The following ECT2L variants were observed in gnomAD, a reference collection of about 807,000 sequenced individuals.
The protein encoded by ECT2L is epithelial cell transforming 2 like.
A neutral mutation model predicts 122.8 loss-of-function variants in ECT2L; 126 were observed. The ratio of observed to expected loss-of-function variants is 1.03; its 90% confidence interval spans 0.89 to 1.19. The LOEUF (loss-of-function observed/expected upper bound fraction) is 1.19, where lower values mean the gene tolerates loss of function less well. Ranked by LOEUF, ECT2L falls within the 50% of genes most tolerant of loss-of-function variation. The probability of loss-of-function intolerance (pLI) is 0.00; values close to 1 mark genes in which losing one functional copy is unlikely to be tolerated. For synonymous variants in ECT2L, 385 were observed against 381.8 expected, an observed-to-expected ratio of 1.01 and a Z score of -0.10; for missense variants, 1,012 against 1,064.1, an observed-to-expected ratio of 0.95 and a Z score of 0.68.
rs74435798 is a variant in ECT2L at position 138,860,679 on chromosome 6, A to G, written c.1199-1948A>G. Among the ~76,000 whole-genome samples, 1,413 of 150,824 alleles carry G rather than the reference A, an allele frequency of 9.4e-3. 24 individuals are homozygous for G. The highest frequency in any genetic ancestry group is 0.033 in the African/African-American group (1,346 of 41,024). ...CCTGTATGCTGAATTAAATAATTCA[A>G]TCTATATGTTGTGCCACTGAAGGGG... is the stretch of plus-strand genomic sequence containing the variant. On this transcript the variant is annotated intron_variant, in intron 10 of 21. Coordinates refer to ENST00000541398, the MANE Select transcript of ECT2L (RefSeq NM_001077706.3).
At chr6:138,806,535 T>C (rs1272770803) in intron 1 of ECT2L, among the ~76,000 whole-genome samples, 1 of 146,842 alleles carries the variant, frequency 6.8e-6, no homozygotes. Context: ...TTTTTTGAGA[T>C]GGAGTCACGC....
chr6:138,846,138 GGGGGTGA>G (rs1777213060), intron 7 of ECT2L, among the ~76,000 whole-genome samples: 1 of 152,120 alleles, frequency 6.6e-6, no homozygotes, highest in African/African-American at 2.4e-5. Context: ...TGGTATTGTT[GGGGGTGA>G]GGGTGGCTGT....
chr6:138,858,808 C>T (rs976436918), intron 10 of ECT2L, among the ~76,000 whole-genome samples: 5 of 146,798 alleles, frequency 3.4e-5, no homozygotes, highest in Non-Finnish European at 7.4e-5. Flanking sequence ...CGGGGTCAAG[C>T]GATCCTCCCA....
chr6:138,902,500 A>G lies in ECT2L; in HGVS notation c.2588A>G (p.Tyr863Cys). ...LLIENIPDSK[Y>C]VKNAFILQGP... ...TAGTATACCTCAAATGCTTTTACAG[A>G]TGTCAAGAATGCATTTATTCTTCAG... The change falls in exon 22 of 22, where the codon TAT becomes TGT. Residue 863 changes from tyrosine (Y) to cysteine (C), a missense_variant and splice_region_variant. Tyr to Cys is a radical substitution (Grantham distance 194, BLOSUM62 -2). Coordinates refer to ENST00000541398, the MANE Select transcript of ECT2L (RefSeq NM_001077706.3). 6.2e-7 allele frequency: 1 copy of G among 1,612,292 alleles called. No homozygotes were observed. Among genetic ancestry groups the G allele is most frequent in the Non-Finnish European group, 8.5e-7 (1 of 1,179,008 alleles).
At chr6:138,880,286 G>A (rs1778598946) in intron 14 of ECT2L, among the ~76,000 whole-genome samples, 1 of 152,056 alleles carries the variant, frequency 6.6e-6, no homozygotes, top group Non-Finnish European at 1.5e-5. Context: ...ATCTGTCAAG[G>A]GCCTTCTCTT....
chr6:138,898,043 T>C (rs1779274581), intron 20 of ECT2L, among the ~76,000 whole-genome samples: 1 of 146,468 alleles, frequency 6.8e-6, no homozygotes, highest in Admixed American at 7.0e-5. Flanking sequence ...AAATAATTGT[T>C]CTTATCATGG....
intron 1 of ECT2L, among the ~76,000 whole-genome samples, chr6:138,804,872 T>C (rs1775662734): frequency 6.6e-6 from 1 of 152,130 alleles, no homozygotes; most frequent in African/African-American, 2.4e-5. Context: ...ATACAGGACA[T>C]AGAAAAACAC....
At chr6:138,846,779 T>C in intron 8 of ECT2L, 102 bp downstream of exon 8, 1 of 1,274,746 alleles carries the variant, frequency 7.8e-7, no homozygotes, top group Non-Finnish European at 1.0e-6. Flanking sequence ...GGCCACCATG[T>C]GTATGAAAAA....
At position 138,873,235 on chromosome 6, in the gene ECT2L, A is replaced by AG. The variant is rs201082754; in HGVS notation, c.1579-3237_1579-3236insG. Among the ~76,000 whole-genome samples, 948 of 152,254 alleles carry AG rather than the reference A, an allele frequency of 6.2e-3. 10 individuals carry two copies. Among genetic ancestry groups the AG allele is most frequent in the African/African-American group, 0.022 (898 of 41,556 alleles). On this transcript the variant is annotated intron_variant, in intron 13 of 21. Transcript: ENST00000541398. ...TAATGCCTGGAAATTTGATTAAAAA[A>AG]AATCGAATTAGAAAAAAATACATAT... is the stretch of plus-strand genomic sequence containing the variant.
intron 16 of ECT2L, 114 bp downstream of exon 16, chr6:138,882,985 C>CTG (rs1778695869): frequency 3.5e-6 from 4 of 1,142,822 alleles, no homozygotes; most frequent in Non-Finnish European, 4.9e-6. Flanking sequence ...TAGCTCCCAG[C>CTG]TGTCTTCCCA....
At chr6:138,857,109 G>A (rs549970938) in intron 10 of ECT2L, among the ~76,000 whole-genome samples, 5 of 152,148 alleles carry the variant, frequency 3.3e-5, no homozygotes, top group Admixed American at 1.3e-4. Flanking sequence ...AATCTAGCCC[G>A]TTGCCTTTCA....
intron 6 of ECT2L, 88 bp downstream of exon 6, chr6:138,843,319 G>C (rs1777110167): frequency 7.4e-7 from 1 of 1,346,956 alleles, no homozygotes; most frequent in Non-Finnish European, 9.9e-7. Context: ...GGACAGCCCT[G>C]TCTTTCGGAA....
At chr6:138,798,545 A>G (rs527425108) in intron 1 of ECT2L, among the ~76,000 whole-genome samples, 6 of 152,244 alleles carry the variant, frequency 3.9e-5, no homozygotes, top group African/African-American at 1.4e-4. Flanking sequence ...AAGATCAAAT[A>G]TATATATTTC....
intron 5 of ECT2L, among the ~76,000 whole-genome samples, chr6:138,839,383 G>A (rs1349517557): frequency 7.5e-6 from 1 of 134,212 alleles, no homozygotes; most frequent in African/African-American, 2.8e-5. Flanking sequence ...TTTTTTTCCT[G>A]AGACAGGATC....
At chr6:138,834,894 TACACACAC>T (rs544584441) in intron 4 of ECT2L, among the ~76,000 whole-genome samples, 2,261 of 137,416 alleles carry the variant, frequency 0.016, 58 homozygotes, top group African/African-American at 0.052. Context: ...TGCCCCCGTT[TACACACAC>T]ACACACACAC....
At chr6:138,892,697 T>C (rs1263255486) in intron 20 of ECT2L, among the ~76,000 whole-genome samples, 1 of 152,160 alleles carries the variant, frequency 6.6e-6, no homozygotes, top group Non-Finnish European at 1.5e-5. Context: ...TTCACCACAT[T>C]GGCTAGGCTG....
Position 138,810,069 on chromosome 6 carries a change from G to A in ECT2L, c.-243-2769G>A, listed in dbSNP as rs374906091. On this transcript the variant is annotated intron_variant, in intron 1 of 21. Transcript: ENST00000541398. ...TTATGCAAAGAGGTAGAAAATGAAT[G>A]TTATGTTATTAGAATAAGTTTATTA... 1.1e-3 allele frequency among the ~76,000 whole-genome samples: 175 copies of A among 152,220 alleles called. 1 individual carries two copies. The highest frequency in any genetic ancestry group is 2.7e-3 in the South Asian group (13 of 4,820).
At chr6:138,827,558 T>G (rs17067940) in intron 4 of ECT2L, among the ~76,000 whole-genome samples, 11,287 of 150,750 alleles carry the variant, frequency 0.075, 729 homozygotes, top group East Asian at 0.27. Flanking sequence ...GGGTTATTAT[T>G]TGTTTTGTTG....
Position 138,885,580 on chromosome 6 carries a change from G to A in ECT2L, c.2102+1G>A, listed in dbSNP as rs201970259. Reference sequence around the variant, plus strand: ...AGACCATTGTTACCAAAATGCTGAGGTACGTTCTGAGGGAGAGCACAGCAG... The same window carrying A: ...AGACCATTGTTACCAAAATGCTGAGATACGTTCTGAGGGAGAGCACAGCAG... On this transcript the variant is annotated splice_donor_variant, in intron 17 of 21. Coordinates refer to ENST00000541398, the MANE Select transcript of ECT2L (RefSeq NM_001077706.3). LOFTEE classifies it high-confidence loss of function. The A allele has an allele frequency of 9.9e-6, 16 of 1,614,156 alleles. No individual in the cohort carries two copies. In the Admixed American group the frequency reaches 2.5e-4, roughly 25 times the overall value.
Sources: allele counts gnomAD v4.1 joint callset (sites outside exome capture counted in the v4.1 genomes callset), GRCh38; gene constraint gnomAD v4.1.1; transcripts MANE v1.5; gene names NCBI Gene and HGNC (gene_info 2026-07-23, HGNC 2026-07-21).